PDE8B: variants seen among roughly 807,000 people sequenced by gnomAD.
PDE8B encodes the protein high affinity cAMP-specific and IBMX-insensitive 3',5'-cyclic phosphodiesterase 8B.
A neutral mutation model predicts 101.3 loss-of-function variants in PDE8B; 26 were observed. The observed-to-expected ratio is 0.26, with a 90% CI of 0.19 to 0.36. PDE8B has a LOEUF of 0.36. PDE8B is among the 10% of genes least tolerant of loss of function. The pLI, the probability that PDE8B is intolerant of heterozygous loss-of-function variation, is 1.00. For synonymous variants in PDE8B, 424 were observed against 429.3 expected (o/e 0.99, Z 0.15); for missense variants, 810 against 1,163.1 (o/e 0.70, Z 4.42).
At chr5:77,372,401 A>T (rs1482231107) in intron 10 of PDE8B, among the ~76,000 whole-genome samples, 1 of 152,212 alleles carries the variant, frequency 6.6e-6, no homozygotes, top group African/African-American at 2.4e-5. Flanking sequence ...TAATGTCTTC[A>T]TCAGGGTTTG....
At chr5:77,105,010 T>G in the PDE8B span, 3 of 152,232 alleles carry the variant, frequency 2.0e-5, no homozygotes, top group African/African-American at 7.2e-5. Context: ...TCTATCAGTT[T>G]AGAAAAGTTT....
Position 77,247,556 on chromosome 5 carries a change from A to G in PDE8B, c.339+36292A>G, listed in dbSNP as rs368586317. ...GGCCTGGCTGCTCTGCATGTTCATC[A>G]ATATCACTTTTATGCAGCAGGTACC... On this transcript the variant is annotated intron_variant, in intron 1 of 21. Coordinates refer to ENST00000264917, the MANE Select transcript of PDE8B (RefSeq NM_003719.5). 8.5e-5 allele frequency among the ~76,000 whole-genome samples: 13 copies of G among 152,156 alleles called. No individual in the cohort carries two copies. The East Asian group carries it at 2.5e-3, about 29-fold the overall frequency.
the PDE8B span, among the ~76,000 whole-genome samples, chr5:77,192,310 G>A: frequency 2.6e-5 from 4 of 152,126 alleles, no homozygotes; most frequent in South Asian, 2.1e-4. Context: ...CCTGAGTCAC[G>A]TGTTCCTTCC....
At chr5:77,141,984 C>T in the PDE8B span, 44 of 151,968 alleles carry the variant, frequency 2.9e-4, no homozygotes, top group African/African-American at 1.0e-3. Context: ...AATACCAACA[C>T]GTAACATAAT....
the PDE8B span, chr5:77,141,194 C>T: frequency 6.6e-6 from 1 of 152,054 alleles, no homozygotes; most frequent in Non-Finnish European, 1.5e-5. Flanking sequence ...AACATAATAG[C>T]AATGGGATGC....
At chr5:77,268,125 A>G (rs1025225392) in intron 1 of PDE8B, among the ~76,000 whole-genome samples, 1 of 151,870 alleles carries the variant, frequency 6.6e-6, no homozygotes, top group Non-Finnish European at 1.5e-5. Flanking sequence ...AGTGACTACC[A>G]CTGACCACTA....
chr5:77,217,496 C>T (rs1750043933), intron 1 of PDE8B, among the ~76,000 whole-genome samples: 1 of 151,970 alleles, frequency 6.6e-6, no homozygotes, highest in Admixed American at 6.5e-5. Context: ...TACCTTTACC[C>T]TACAGTGGAA....
intron 2 of PDE8B, among the ~76,000 whole-genome samples, chr5:77,316,922 G>C (rs1773884987): frequency 6.6e-6 from 1 of 152,106 alleles, no homozygotes. Context: ...TTGAGTGAAG[G>C]ACACAATAAT....
chr5:77,094,121 G>C, the PDE8B span, among the ~76,000 whole-genome samples: 1 of 152,028 alleles, frequency 6.6e-6, no homozygotes, highest in Non-Finnish European at 1.5e-5. Flanking sequence ...CTTCAAAAAG[G>C]TTGTGGAAAA....
intron 20 of PDE8B, among the ~76,000 whole-genome samples, chr5:77,423,425 G>T (rs1797114502): frequency 6.6e-6 from 1 of 152,036 alleles, no homozygotes; most frequent in Admixed American, 6.6e-5. Context: ...TTAGTTCTTT[G>T]AGAAATCTCC....
the PDE8B span, among the ~76,000 whole-genome samples, chr5:77,175,036 C>A: frequency 3.9e-5 from 6 of 152,186 alleles, no homozygotes; most frequent in African/African-American, 1.2e-4. Context: ...TAGCTCAGGT[C>A]AAAAACCTAA....
chr5:77,225,403 C>T (rs1406299580), intron 1 of PDE8B, among the ~76,000 whole-genome samples: 2 of 152,216 alleles, frequency 1.3e-5, no homozygotes, highest in Non-Finnish European at 2.9e-5. Context: ...ACTTTGTCTA[C>T]TCAGAGTAGC....
chr5:77,293,144 A>G (rs1215855221), intron 1 of PDE8B, among the ~76,000 whole-genome samples: 1 of 152,212 alleles, frequency 6.6e-6, no homozygotes, highest in Non-Finnish European at 1.5e-5. Flanking sequence ...ATTACATAAT[A>G]AATCACATAT....
Position 77,271,673 on chromosome 5 carries a change from G to A in PDE8B, c.340-40321G>A, listed in dbSNP as rs576585371. 2.3e-4 allele frequency among the ~76,000 whole-genome samples: 35 copies of A among 152,310 alleles called. No homozygotes were observed. In the South Asian group the frequency reaches 2.9e-3, roughly 13 times the overall value. The stretch of plus-strand genomic sequence containing the variant: ...GCCAGAAGAAGTGGAATCAATAACA[G>A]ATGGAAGGAAGTGAAAGGGAAGACA... On this transcript the variant is annotated intron_variant, in intron 1 of 21. Transcript: ENST00000264917.
intron 1 of PDE8B, among the ~76,000 whole-genome samples, chr5:77,284,515 A>G (rs1299797287): frequency 1.3e-5 from 2 of 152,218 alleles, no homozygotes; most frequent in African/African-American, 4.8e-5. Context: ...TAATATGCAA[A>G]CAAAAGTTTA....
chr5:77,250,654 C>G (rs1182812762), intron 1 of PDE8B, among the ~76,000 whole-genome samples: 1 of 152,152 alleles, frequency 6.6e-6, no homozygotes, highest in Non-Finnish European at 1.5e-5. Context: ...TTTGCAGGGT[C>G]CACAATCAGG....
Position 77,211,259 on chromosome 5 carries a change from G to A in PDE8B, c.334G>A (p.Val112Met). The A allele has an allele frequency of 1.9e-6, 3 of 1,568,830 alleles. No individual in the cohort carries two copies. Among genetic ancestry groups the A allele is most frequent in the Non-Finnish European group, 2.6e-6 (3 of 1,165,726 alleles). ...EAETQTCYTS[V>M]KQVSSAEVRI... The stretch of plus-strand genomic sequence containing the variant: ...CGAGACTCAGACCTGCTACACCAGC[G>A]TGAAGGTAAATGCCCCGCGCTGGCA... The change falls in exon 1 of 22, where the codon GTG (valine) becomes ATG (methionine). Residue 112 changes from valine to methionine, a missense_variant. By Grantham distance (21) the Val-to-Met change is conservative. Around this residue, in one of 4 missense-constraint regions of PDE8B, gnomAD observed 251 missense variants for 378.8 expected, o/e 0.66. Transcript: ENST00000264917. The surrounding 1 kb of genome is among the most constrained non-coding windows in gnomAD (Gnocchi z 4.1).
chr5:77,385,450 T>A (rs538758188), intron 10 of PDE8B, among the ~76,000 whole-genome samples: 1 of 151,942 alleles, frequency 6.6e-6, no homozygotes, highest in East Asian at 1.9e-4. Context: ...TTTTTCTTTT[T>A]AAGGGTTTTT....
At chr5:77,303,190 AAGAT>A (rs1203174289) in intron 1 of PDE8B, among the ~76,000 whole-genome samples, 3 of 152,152 alleles carry the variant, frequency 2.0e-5, no homozygotes, top group Non-Finnish European at 4.4e-5. Flanking sequence ...CATATACAAG[AAGAT>A]AGAAAGTTTA....
Sources: allele counts gnomAD v4.1 joint callset (sites outside exome capture counted in the v4.1 genomes callset), GRCh38; gene constraint gnomAD v4.1.1; regional missense constraint gnomAD v4.1.1; non-coding constraint Gnocchi (gnomAD v3.1); transcripts MANE v1.5; gene names NCBI Gene and HGNC (gene_info 2026-07-23, HGNC 2026-07-21).